KRT80: variants seen among roughly 807,000 people sequenced by gnomAD.
KRT80 encodes keratin 80.
KRT80 carries 36 observed loss-of-function variants against 51.5 expected under a neutral mutation model. The observed-to-expected ratio is 0.70, with a 90% CI of 0.54 to 0.92. The LOEUF (loss-of-function observed/expected upper bound fraction) is 0.92. KRT80 is among the 40% of genes least tolerant of loss of function. The pLI, the probability that KRT80 is intolerant of heterozygous loss-of-function variation, is 0.00. For missense variants in KRT80, 566 were observed against 591.7 expected (o/e 0.96, Z 0.45); for synonymous variants, 235 against 248.3 (o/e 0.95, Z 0.50).
chr12:52,171,575 A>C, intron 8 of KRT80, 53 bp from the exon 9 acceptor site: 1 of 1,613,172 alleles, frequency 6.2e-7, no homozygotes, highest in South Asian at 1.1e-5. Context: ...TTTGGGAGCC[A>C]CTTAAAATGA....
chr12:52,181,093 C>A, intron 2 of KRT80, 130 bp from the exon 3 acceptor site: 2 of 592,776 alleles, frequency 3.4e-6, no homozygotes, highest in East Asian at 3.1e-5. Context: ...AAAAGCAGCC[C>A]ATCCTTCTCC....
At chr12:52,185,628 C>G in intron 1 of KRT80, 41 bp from the exon 2 acceptor site, 1 of 1,587,424 alleles carries the variant, frequency 6.3e-7, no homozygotes, top group Non-Finnish European at 8.5e-7. Flanking sequence ...AGGTGTGGAC[C>G]AGTCGGGGGC....
chr12:52,171,669 CT>C lies in KRT80; in HGVS notation c.1222del (p.Arg408GlyfsTer26). The C allele has an allele frequency of 7.2e-7, 1 of 1,385,244 alleles. No homozygotes were observed. Among genetic ancestry groups the C allele is most frequent in the Non-Finnish European group, 9.6e-7 (1 of 1,042,494 alleles). The allele number at this position is 1,385,244 out of a possible 1,614,324, so 85.8% of individuals were successfully genotyped here. On this transcript the variant is annotated frameshift_variant, in exon 8 of 9. Transcript: ENST00000394815. LOFTEE classifies it high-confidence loss of function. ...SATVVSAVQS[R>X]CKTAASRSGL... ...GCAAGAGGACTCACCGGTTTTGCACCTGGACTGCACAGCGCTGACCACAGTG... is the reference window on the plus strand; with the variant it reads ...GCAAGAGGACTCACCGGTTTTGCACCGGACTGCACAGCGCTGACCACAGTG...
chr12:52,186,408 C>T (rs17126397), intron 1 of KRT80, among the ~76,000 whole-genome samples: 1,860 of 152,214 alleles, frequency 0.012, 44 homozygotes, highest in African/African-American at 0.042. Flanking sequence ...CTTTGGGATA[C>T]GACAACAGCA....
At position 52,174,656 on chromosome 12, in the gene KRT80, GT is replaced by G. The variant is rs1480336619; in HGVS notation, c.667-893del. 2.0e-5 allele frequency among the ~76,000 whole-genome samples: 3 copies of G among 152,388 alleles called. No homozygotes were observed. In the East Asian group the frequency reaches 5.8e-4, roughly 29 times the overall value. ...GAGGAGGAAACTGAGGCATAAAGAT[GT>G]TGTGGAGACAGCGGTGAGTGGCAGG... On this transcript the variant is annotated intron_variant, in intron 4 of 8. Transcript: ENST00000394815.
chr12:52,185,885 CG>C (rs1941397609), intron 1 of KRT80: 2 of 458,714 alleles, frequency 4.4e-6, no homozygotes, highest in African/African-American at 2.0e-5. Flanking sequence ...GCCAAGCATG[CG>C]ACAGGCTCTC....
intron 2 of KRT80, 120 bp from the exon 3 acceptor site, chr12:52,181,083 A>G: frequency 1.6e-6 from 1 of 638,084 alleles, no homozygotes; most frequent in Non-Finnish European, 2.5e-6. Flanking sequence ...CCAATTAAAG[A>G]AAAGCAGCCC....
intron 1 of KRT80, chr12:52,185,826 G>A (rs1006175672): frequency 6.8e-5 from 54 of 793,982 alleles, no homozygotes; most frequent in African/African-American, 5.2e-5. Context: ...GTTTCCAGGC[G>A]AGGGCAGGGC....
Position 52,185,268 on chromosome 12 carries a change from A to G in KRT80, c.509+111T>C, listed in dbSNP as rs1324908853. 37 of 1,063,008 alleles carry G rather than the reference A, an allele frequency of 3.5e-5. 1 individual carries two copies. The South Asian group carries it at 5.0e-4, about 14-fold the overall frequency. 65.8% of individuals were successfully genotyped at this position (1,063,008 alleles called of 1,614,324 possible). ...CCCTCAATAAATGTCTCAGGTAAAG[A>G]AATGTTGCAGAACATCTTTCCTCTT... On this transcript the variant is annotated intron_variant, in intron 2 of 8. Transcript: ENST00000394815.
chr12:52,190,602 G>A (rs1001314906), intron 1 of KRT80, among the ~76,000 whole-genome samples: 6 of 152,208 alleles, frequency 3.9e-5, no homozygotes, highest in African/African-American at 1.4e-4. Flanking sequence ...TTTACTGGCA[G>A]GTTCAGAAAT....
At chr12:52,178,371 C>T (rs908134854) in intron 4 of KRT80, among the ~76,000 whole-genome samples, 9 of 152,248 alleles carry the variant, frequency 5.9e-5, no homozygotes, top group East Asian at 1.9e-4. Context: ...CACCCTGCCC[C>T]GTGTGCTCTG....
At chr12:52,177,614 G>C (rs906439379) in intron 4 of KRT80, among the ~76,000 whole-genome samples, 7 of 151,228 alleles carry the variant, frequency 4.6e-5, no homozygotes, top group African/African-American at 1.5e-4. Context: ...GCTTGGAAGG[G>C]CTTTTCAGAA....
intron 2 of KRT80, among the ~76,000 whole-genome samples, chr12:52,184,118 A>T (rs1332063852): frequency 1.3e-5 from 2 of 152,232 alleles, no homozygotes; most frequent in Admixed American, 1.3e-4. Context: ...ACTCCTGGAC[A>T]GGACAGGTGC....
intron 4 of KRT80, among the ~76,000 whole-genome samples, chr12:52,173,966 G>A (rs1243164601): frequency 6.6e-6 from 1 of 152,206 alleles, no homozygotes; most frequent in Non-Finnish European, 1.5e-5. Context: ...ACTGCCCACT[G>A]CTCACCCACC....
chr12:52,180,464 G>A, intron 4 of KRT80, 49 bp downstream of exon 4: 1 of 1,314,632 alleles, frequency 7.6e-7, no homozygotes. Flanking sequence ...CTTTACCCAT[G>A]GACCAGCCAG....
intron 1 of KRT80, 50 bp downstream of exon 1, chr12:52,191,552 CG>C: frequency 6.7e-7 from 1 of 1,502,480 alleles, no homozygotes; most frequent in Non-Finnish European, 9.0e-7. Flanking sequence ...GCTCAGCTAC[CG>C]GCCCAGGCCT....
At chr12:52,189,987 G>A (rs939464619) in intron 1 of KRT80, among the ~76,000 whole-genome samples, 1 of 152,208 alleles carries the variant, frequency 6.6e-6, no homozygotes, top group Non-Finnish European at 1.5e-5. Context: ...CCTTCTAAGG[G>A]ATTAAACTGG....
chr12:52,186,589 A>G (rs1735223246), intron 1 of KRT80, among the ~76,000 whole-genome samples: 2 of 152,352 alleles, frequency 1.3e-5, no homozygotes, highest in African/African-American at 4.8e-5. Context: ...TGGCAGAGCC[A>G]GGCCTGGAAT....
chr12:52,185,262 G>T, intron 2 of KRT80, 117 bp downstream of exon 2: 1 of 1,002,846 alleles, frequency 1.0e-6, no homozygotes, highest in Admixed American at 2.4e-5. Context: ...AATGTCTCAG[G>T]TAAAGAAATG....
Sources: allele counts gnomAD v4.1 joint callset (sites outside exome capture counted in the v4.1 genomes callset), GRCh38; gene constraint gnomAD v4.1.1; transcripts MANE v1.5; gene names NCBI Gene and HGNC (gene_info 2026-07-23, HGNC 2026-07-21).